Variants in AGBL1 observed in about 807,000 individuals in gnomAD.
AGBL1 encodes the protein AGBL carboxypeptidase 1, also known as cytosolic carboxypeptidase 4.
Under a neutral mutation model 118.9 loss-of-function variants are expected in AGBL1, and 130 were observed. The ratio of observed to expected loss-of-function variants is 1.09; its 90% CI spans 0.95 to 1.26. The LOEUF (loss-of-function observed/expected upper bound fraction) is 1.26. Ranked by LOEUF, AGBL1 falls within the 50% of genes most tolerant of loss-of-function variation. The probability of loss-of-function intolerance (pLI) is 0.00; values close to 1 mark genes in which losing one functional copy is unlikely to be tolerated. For missense variants in AGBL1, 1,584 were observed against 1,298.1 expected, an observed-to-expected ratio of 1.22 and a Z score of -3.38; for synonymous variants, 555 against 478.9, an observed-to-expected ratio of 1.16 and a Z score of -2.08.
intron 18 of AGBL1, among the ~76,000 whole-genome samples, chr15:86,412,444 T>C (rs1396817458): frequency 6.6e-6 from 1 of 152,216 alleles, no homozygotes; most frequent in Non-Finnish European, 1.5e-5. Context: ...TGCTTCTCTT[T>C]CTTTTTGAAC....
chr15:86,281,428 G>A (rs2079352556), intron 16 of AGBL1, among the ~76,000 whole-genome samples: 1 of 152,126 alleles, frequency 6.6e-6, no homozygotes, highest in Non-Finnish European at 1.5e-5. Context: ...AAAAAAGTCT[G>A]CTAGGGATGG....
chr15:86,812,993 C>A (rs1395205035), intron 22 of AGBL1, among the ~76,000 whole-genome samples: 3 of 151,164 alleles, frequency 2.0e-5, no homozygotes, highest in Non-Finnish European at 2.9e-5. Context: ...AATTTCTGGG[C>A]AGAATTTAAA....
intron 23 of AGBL1, among the ~76,000 whole-genome samples, chr15:86,965,479 T>C (rs1422627541): frequency 6.6e-6 from 1 of 151,930 alleles, no homozygotes; most frequent in East Asian, 1.9e-4. Context: ...TTTTGATGGG[T>C]TTGTTTTTTT....
chr15:86,723,519 G>C (rs988350324), intron 22 of AGBL1, among the ~76,000 whole-genome samples: 6 of 152,134 alleles, frequency 3.9e-5, no homozygotes, highest in South Asian at 2.1e-4. Context: ...GTGGGGTGAG[G>C]GGGGAGGGAT....
intron 1 of AGBL1, chr15:86,105,100 G>A (rs1188420260): frequency 6.6e-6 from 1 of 152,144 alleles, no homozygotes; most frequent in Non-Finnish European, 1.5e-5. Flanking sequence ...TTTCTTAGAT[G>A]ATCTATTCGA....
intron 20 of AGBL1, among the ~76,000 whole-genome samples, chr15:86,550,356 A>G (rs1440544266): frequency 2.0e-5 from 3 of 152,176 alleles, no homozygotes; most frequent in East Asian, 3.9e-4. Flanking sequence ...GATTTAAAAA[A>G]TAGGTTCAAG....
chr15:86,671,594 T>G lies in AGBL1; in HGVS notation c.2995-2679T>G, dbSNP rs543442774. 3.3e-5 allele frequency among the ~76,000 whole-genome samples: 5 copies of G among 152,260 alleles called. No homozygotes were observed. In the East Asian group the frequency reaches 9.7e-4, roughly 29 times the overall value. On this transcript the variant is annotated intron_variant, in intron 21 of 22. Coordinates refer to ENST00000614907, the MANE Select transcript of AGBL1 (RefSeq NM_001386094.1). ...AAAGTGGAGGTCAAAATTTCTAAATTTTATTTACCTGTTTCCCAGTTTATA... is the reference window on the plus strand; with the variant it reads ...AAAGTGGAGGTCAAAATTTCTAAATGTTATTTACCTGTTTCCCAGTTTATA...
intron 22 of AGBL1, among the ~76,000 whole-genome samples, chr15:86,676,097 G>A (rs1223593132): frequency 1.3e-5 from 2 of 152,184 alleles, no homozygotes; most frequent in Non-Finnish European, 2.9e-5. Flanking sequence ...GGGGATTGAA[G>A]CTAGAGGTCC....
intron 18 of AGBL1, among the ~76,000 whole-genome samples, chr15:86,416,632 T>G (rs2081699974): frequency 6.6e-6 from 1 of 152,214 alleles, no homozygotes; most frequent in South Asian, 2.1e-4. Context: ...AGTGCATTAT[T>G]GAGTGTTCTA....
In AGBL1 at chr15:86,682,105, C is replaced by A. The variant is rs1306784311; in HGVS notation, c.3158+7669C>A. ...TCTATTCAGATTTTAAAAATTAGCGCATAGTATGAAATATCTGAGACTATT... is the reference window on the plus strand; with the variant it reads ...TCTATTCAGATTTTAAAAATTAGCGAATAGTATGAAATATCTGAGACTATT... On this transcript the variant is annotated intron_variant, in intron 22 of 22. Transcript: ENST00000614907. Among the ~76,000 whole-genome samples, 4 of 152,122 alleles carry A rather than the reference C, an allele frequency of 2.6e-5. No homozygotes were observed. In the East Asian group the frequency reaches 7.7e-4, roughly 29 times the overall value.
intron 24 of AGBL1, among the ~76,000 whole-genome samples, chr15:87,021,178 G>C (rs1222714890): frequency 6.6e-6 from 1 of 152,044 alleles, no homozygotes; most frequent in Non-Finnish European, 1.5e-5. Context: ...ACAGAGTAGA[G>C]AACTCAGAAA....
chr15:86,235,696 A>T (rs555027610), intron 6 of AGBL1, among the ~76,000 whole-genome samples: 2 of 152,200 alleles, frequency 1.3e-5, no homozygotes, highest in Non-Finnish European at 2.9e-5. Flanking sequence ...ATCTCATTTA[A>T]TCTTCACCAT....
At chr15:86,545,861 C>A (rs868639696) in intron 19 of AGBL1, 141 bp from the exon 20 acceptor site, 1 of 986,972 alleles carries the variant, frequency 1.0e-6, no homozygotes, top group Non-Finnish European at 1.5e-6. Flanking sequence ...CATGGCTGGT[C>A]TGCTAACTCA....
At chr15:86,434,639 A>T (rs917849714) in intron 18 of AGBL1, among the ~76,000 whole-genome samples, 1 of 152,172 alleles carries the variant, frequency 6.6e-6, no homozygotes, top group Admixed American at 6.5e-5. Context: ...GCCAGTCAAC[A>T]TTTTCATCAA....
Position 86,852,012 on chromosome 15 carries a change from A to G in AGBL1, c.3159-55075A>G, listed in dbSNP as rs568192598. Reference sequence around the variant, plus strand: ...TTGTCATGGCAGCTACTGCAGGGGAACTACTACATAAACACTGTTGGATGG... The same window carrying G: ...TTGTCATGGCAGCTACTGCAGGGGAGCTACTACATAAACACTGTTGGATGG... On this transcript the variant is annotated intron_variant, in intron 22 of 22. Coordinates refer to ENST00000614907, the MANE Select transcript of AGBL1 (RefSeq NM_001386094.1). Among the ~76,000 whole-genome samples the G allele has an allele frequency of 6.6e-5, 10 of 152,246 alleles. No homozygotes were observed. The South Asian group carries it at 1.2e-3, about 19-fold the overall frequency.
At chr15:86,275,540 C>T (rs17603016) in intron 15 of AGBL1, among the ~76,000 whole-genome samples, 6,813 of 152,240 alleles carry the variant, frequency 0.045, 189 homozygotes, top group Middle Eastern at 0.099. Context: ...TGAAAAGAAA[C>T]AATGACTTTC....
intron 21 of AGBL1, among the ~76,000 whole-genome samples, chr15:86,587,055 C>T (rs77362367): frequency 6.6e-6 from 1 of 152,054 alleles, no homozygotes; most frequent in African/African-American, 2.4e-5. Context: ...AGAGTTCGGA[C>T]TAGAACCCAT....
chr15:86,393,344 G>A (rs112717960), intron 17 of AGBL1, among the ~76,000 whole-genome samples: 8 of 152,304 alleles, frequency 5.3e-5, no homozygotes, highest in African/African-American at 1.9e-4. Flanking sequence ...GACAATGGAA[G>A]TGTTTTGTTA....
chr15:86,648,110 C>G, intron 21 of AGBL1, among the ~76,000 whole-genome samples: 1 of 152,262 alleles, frequency 6.6e-6, no homozygotes, highest in East Asian at 1.9e-4. Context: ...GGAATTTTCT[C>G]TGAGAGAAAT....
Sources: allele counts gnomAD v4.1 joint callset (sites outside exome capture counted in the v4.1 genomes callset), GRCh38; gene constraint gnomAD v4.1.1; transcripts MANE v1.5; gene names NCBI Gene and HGNC (gene_info 2026-07-23, HGNC 2026-07-21).